DNAH8: variants seen among roughly 807,000 people sequenced by gnomAD.
DNAH8 encodes the protein axonemal beta dynein heavy chain 8.
In DNAH8, 382 loss-of-function variants were observed where a neutral mutation model predicts 562.1. The observed-to-expected ratio is 0.68, with a 90% CI of 0.63 to 0.74. The LOEUF (loss-of-function observed/expected upper bound fraction) is 0.74, where lower values mean the gene tolerates loss of function less well. Among genes scored for constraint, DNAH8 ranks in the 30% least tolerant of loss-of-function variants. DNAH8 has a pLI of 0.00. For missense variants in DNAH8, 5,203 were observed against 5,620.4 expected, an observed-to-expected ratio of 0.93 and a Z score of 2.37; for synonymous variants, 1,881 against 1,919.4, an observed-to-expected ratio of 0.98 and a Z score of 0.52.
chr6:38,933,987 G>A (rs548774502), intron 76 of DNAH8, among the ~76,000 whole-genome samples: 2 of 152,188 alleles, frequency 1.3e-5, no homozygotes, highest in African/African-American at 4.8e-5. Context: ...GAATAGGAAA[G>A]CTTATGTATC....
At chr6:39,014,258 A>G (rs1379584898) in intron 91 of DNAH8, among the ~76,000 whole-genome samples, 1 of 152,192 alleles carries the variant, frequency 6.6e-6, no homozygotes, top group East Asian at 1.9e-4. Context: ...TTTTTCTCCC[A>G]GAATTTCCAT....
chr6:38,852,881 A>G (rs1434617494), intron 40 of DNAH8, 83 bp downstream of exon 40: 4 of 1,076,418 alleles, frequency 3.7e-6, no homozygotes, highest in Non-Finnish European at 1.4e-6. Context: ...TTACAGAAAA[A>G]AACAGGAGGA....
chr6:38,790,196 A>G (rs1453187568), intron 19 of DNAH8, 93 bp from the exon 20 acceptor site: 2 of 780,282 alleles, frequency 2.6e-6, no homozygotes, highest in East Asian at 2.5e-5. Flanking sequence ...GTAAGAAAAT[A>G]TAACATATAA....
chr6:38,939,957 T>A (rs958702374), intron 79 of DNAH8, among the ~76,000 whole-genome samples: 2 of 152,146 alleles, frequency 1.3e-5, no homozygotes, highest in African/African-American at 4.8e-5. Context: ...AGTCTGGTTT[T>A]GTTGAAATGA....
chr6:38,906,354 A>G lies in DNAH8; in HGVS notation c.9295A>G (p.Ile3099Val). ...CACTTTCATCTTTACTGACAGTGAA[A>G]TAAAAGATGAGGCATTTCTAGAATA... is the stretch of plus-strand genomic sequence containing the variant. ...GITFIFTDSE[I>V]KDEAFLEYLN... Residue 3099 changes from isoleucine to valine, a missense_variant, in exon 63 of 93, where the codon ATA (isoleucine) becomes GTA (valine). By Grantham distance (29) the Ile-to-Val change is conservative. Around this residue, in one of 6 missense-constraint regions of DNAH8, gnomAD observed 977 missense variants for 1,061.8 expected, o/e 0.92. Transcript: ENST00000327475. The G allele has an allele frequency of 6.2e-7, 1 of 1,611,206 alleles. No individual in the cohort carries two copies.
intron 85 of DNAH8, among the ~76,000 whole-genome samples, chr6:38,977,811 G>T (rs1164934498): frequency 6.6e-6 from 1 of 152,078 alleles, no homozygotes; most frequent in Admixed American, 6.6e-5. Flanking sequence ...GGTGTGTATT[G>T]GACCGAGTAA....
intron 26 of DNAH8, among the ~76,000 whole-genome samples, chr6:38,816,396 TC>T (rs1414111405): frequency 6.6e-6 from 1 of 152,218 alleles, no homozygotes; most frequent in Non-Finnish European, 1.5e-5. Flanking sequence ...TCCATCTATG[TC>T]CTTGCAAAGG....
intron 21 of DNAH8, among the ~76,000 whole-genome samples, chr6:38,797,108 T>G (rs540835981): frequency 2.0e-5 from 3 of 152,296 alleles, no homozygotes; most frequent in Non-Finnish European, 4.4e-5. Flanking sequence ...CAAAATCAAC[T>G]TGGGGCTGGA....
intron 89 of DNAH8, among the ~76,000 whole-genome samples, chr6:39,011,783 C>T (rs1766228749): frequency 6.6e-6 from 1 of 152,180 alleles, no homozygotes; most frequent in South Asian, 2.1e-4. Context: ...GGTAACTGCT[C>T]TGTAAAGATT....
intron 17 of DNAH8, among the ~76,000 whole-genome samples, chr6:38,785,763 A>G (rs766615850): frequency 1.5e-4 from 23 of 152,096 alleles, no homozygotes; most frequent in Non-Finnish European, 2.9e-4. Context: ...AGTGATTTCT[A>G]ATCCATCTTA....
At chr6:39,005,283 C>T (rs1240421950) in intron 88 of DNAH8, among the ~76,000 whole-genome samples, 1 of 152,092 alleles carries the variant, frequency 6.6e-6, no homozygotes, top group Non-Finnish European at 1.5e-5. Context: ...TGTGGTAGTG[C>T]ACGCCTATGG....
At chr6:38,977,739 G>A (rs1416183602) in intron 85 of DNAH8, among the ~76,000 whole-genome samples, 1 of 152,188 alleles carries the variant, frequency 6.6e-6, no homozygotes, top group Non-Finnish European at 1.5e-5. Flanking sequence ...TCCTGCAGAA[G>A]ATCAGAATAA....
chr6:38,747,249 TGTTCAA>T (rs1240055357), intron 8 of DNAH8, among the ~76,000 whole-genome samples: 1 of 152,196 alleles, frequency 6.6e-6, no homozygotes, highest in Non-Finnish European at 1.5e-5. Flanking sequence ...TTAAGTTTCT[TGTTCAA>T]GGTCACAGAG....
In DNAH8 at chr6:39,030,443, T is replaced by A; in HGVS notation, c.*51T>A. 6.7e-7 allele frequency: 1 copy of A among 1,500,776 alleles called. No individual in the cohort carries two copies. The highest frequency in any genetic ancestry group is 1.7e-5 in the Admixed American group (1 of 57,896). The allele number at this position is 1,500,776 out of a possible 1,614,324, so 93.0% of individuals were successfully genotyped here. A position where few individuals can be genotyped will look rare whatever the true frequency, so the allele number is the denominator to read the frequency against. ...CAGAACCCACATAGACAGCCTGTGC[T>A]ATTGAGGGACTCAGTGATGTGTGTG... On this transcript the variant is annotated 3_prime_UTR_variant, in exon 93 of 93. Transcript: ENST00000327475.
intron 1 of DNAH8, among the ~76,000 whole-genome samples, chr6:38,719,222 G>A (rs1762563624): frequency 6.6e-6 from 1 of 152,200 alleles, no homozygotes; most frequent in South Asian, 2.1e-4. Context: ...GTGGCTTGAA[G>A]TAGTCTTTTT....
rs1354615845 is a variant in DNAH8 at position 38,982,328 on chromosome 6, T to C, written c.12835-18T>C. On this transcript the variant is annotated intron_variant, in intron 85 of 92. Transcript: ENST00000327475. ...AATCAGGTACATGCAATACTTACTTTTCTTTGGTGTTTTTAAGGAGCGACG... is the reference window on the plus strand; with the variant it reads ...AATCAGGTACATGCAATACTTACTTCTCTTTGGTGTTTTTAAGGAGCGACG... 3 of 1,154,772 alleles carry C rather than the reference T, an allele frequency of 2.6e-6. No individual in the cohort carries two copies. The African/African-American group carries it at 4.5e-5, about 17-fold the overall frequency. The allele number at this position is 1,154,772 out of a possible 1,614,324, so 71.5% of individuals were successfully genotyped here. A position where few individuals can be genotyped will look rare whatever the true frequency, so the allele number is the denominator to read the frequency against.
chr6:38,984,207 G>A lies in DNAH8; in HGVS notation c.12953G>A (p.Gly4318Asp), dbSNP rs767211001. ...NHLDECDIKK[G>D]VSWNTVRYMI... ...AATCCTTTTTTACTTTTAATAAAGG[G>A]TGTATCATGGAATACGGTTCGGTAC... The change falls in exon 87 of 93, where the codon GGT (glycine) becomes GAT (aspartate). Residue 4318 changes from glycine (G) to aspartate (D), a missense_variant and splice_region_variant. Gly to Asp is a moderately conservative substitution (Grantham distance 94). Transcript: ENST00000327475. The A allele has an allele frequency of 5.9e-6, 9 of 1,530,346 alleles. No homozygotes were observed. Among genetic ancestry groups the A allele is most frequent in the Non-Finnish European group, 7.2e-6 (8 of 1,105,730 alleles). The allele number at this position is 1,530,346 out of a possible 1,614,324, so 94.8% of individuals were successfully genotyped here.
Position 38,945,557 on chromosome 6 carries a change from A to G in DNAH8, c.12098A>G (p.Lys4033Arg), listed in dbSNP as rs1206580190. 6.2e-7 allele frequency: 1 copy of G among 1,614,118 alleles called. No homozygotes were observed. Among genetic ancestry groups the G allele is most frequent in the Non-Finnish European group, 8.5e-7 (1 of 1,180,000 alleles). Residue 4033 changes from lysine (K) to arginine (R), a missense_variant, in exon 80 of 93, where the codon AAA becomes AGA. Lys to Arg is a conservative substitution (Grantham distance 26). Transcript: ENST00000327475. ...TGGCTGAATCTTGTGGAGCTGAGTA[A>G]ACTTCCACAATTTGCAGAAATTATG... ...MTWLNLVELS[K>R]LPQFAEIMNQ...
intron 91 of DNAH8, among the ~76,000 whole-genome samples, chr6:39,022,388 C>T (rs576951726): frequency 6.6e-6 from 1 of 152,330 alleles, no homozygotes; most frequent in East Asian, 1.9e-4. Flanking sequence ...CAGCTAACTG[C>T]TTCCTGTGAG....
Sources: allele counts gnomAD v4.1 joint callset (sites outside exome capture counted in the v4.1 genomes callset), GRCh38; gene constraint gnomAD v4.1.1; regional missense constraint gnomAD v4.1.1; transcripts MANE v1.5; gene names NCBI Gene and HGNC (gene_info 2026-07-23, HGNC 2026-07-21).